The following LMBR1 variants were observed in gnomAD, a reference collection of about 807,000 sequenced individuals.
LMBR1 encodes the protein limb development membrane protein 1.
Under a neutral mutation model 73.9 loss-of-function variants are expected in LMBR1, and 52 were observed. The ratio of observed to expected loss-of-function variants is 0.70; its 90% CI spans 0.56 to 0.89. The LOEUF (loss-of-function observed/expected upper bound fraction) is 0.89. Among genes scored for constraint, LMBR1 ranks in the 40% least tolerant of loss-of-function variants. LMBR1 has a pLI of 0.00. For synonymous variants in LMBR1, 215 were observed against 209.4 expected (o/e 1.03, Z -0.23); for missense variants, 539 against 579.8 (o/e 0.93, Z 0.72).
At chr7:156,767,912 G>A (rs1184277682) in intron 5 of LMBR1, among the ~76,000 whole-genome samples, 2 of 152,018 alleles carry the variant, frequency 1.3e-5, no homozygotes, top group African/African-American at 4.8e-5. Flanking sequence ...TTTTAAAAAT[G>A]TACAGGAGTC....
At chr7:156,861,762 G>A (rs1269285603) in intron 1 of LMBR1, among the ~76,000 whole-genome samples, 1 of 151,986 alleles carries the variant, frequency 6.6e-6, no homozygotes, top group Admixed American at 6.6e-5. Flanking sequence ...AAATCTTTAG[G>A]GTGGGGCAAA....
rs1234735343 is a variant in LMBR1, at chr7:156,734,199, T to C, written c.816A>G (p.Val272=). 4 of 1,609,674 alleles carry C rather than the reference T, an allele frequency of 2.5e-6. No homozygotes were observed. The highest frequency in any genetic ancestry group is 3.4e-6 in the Non-Finnish European group (4 of 1,178,364). Residue 272 remains valine (V), a synonymous_variant, in exon 10 of 17, where the codon GTA becomes GTG. Coordinates refer to ENST00000353442, the MANE Select transcript of LMBR1 (RefSeq NM_022458.4). The stretch of plus-strand genomic sequence containing the variant: ...TACCTAATTTTGTCTTAAGAGTCTT[T>C]ACATTTTCAAGTTCTTGTTCCAACT... The part of the protein sequence containing the change: ...IMELEQELEN[V]KTLKTKLERR...
chr7:156,763,242 T>G, intron 6 of LMBR1, 66 bp from the exon 7 acceptor site: 1 of 684,548 alleles, frequency 1.5e-6, no homozygotes, highest in Non-Finnish European at 2.4e-6. Flanking sequence ...AGTCAGTCTA[T>G]CTTACGATAA....
intron 1 of LMBR1, among the ~76,000 whole-genome samples, chr7:156,888,362 A>C (rs1020237365): frequency 6.7e-6 from 1 of 149,382 alleles, no homozygotes; most frequent in African/African-American, 2.5e-5. Context: ...GTGAGCCGAG[A>C]TTGAGTCACT....
At chr7:156,824,847 TA>T (rs756011629) in intron 4 of LMBR1, among the ~76,000 whole-genome samples, 4,310 of 89,438 alleles carry the variant, frequency 0.048, 142 homozygotes, top group African/African-American at 0.14. Flanking sequence ...CCTGTCTCAA[TA>T]AAAAAAAAAA....
chr7:156,841,849 T>C (rs1221159235), intron 1 of LMBR1, among the ~76,000 whole-genome samples: 2 of 152,022 alleles, frequency 1.3e-5, no homozygotes, highest in Non-Finnish European at 2.9e-5. Flanking sequence ...AAAGAAAATG[T>C]GAAGGGATTG....
At chr7:156,845,312 G>A (rs1839412395) in intron 1 of LMBR1, among the ~76,000 whole-genome samples, 1 of 152,056 alleles carries the variant, frequency 6.6e-6, no homozygotes, top group African/African-American at 2.4e-5. Context: ...CTGGGCAATG[G>A]AGCAAGATTC....
intron 15 of LMBR1, among the ~76,000 whole-genome samples, chr7:156,702,768 A>T (rs1810072141): frequency 6.6e-6 from 1 of 152,262 alleles, no homozygotes; most frequent in Non-Finnish European, 1.5e-5. Flanking sequence ...ATCTACCCCA[A>T]GGAGTTGAAA....
intron 15 of LMBR1, among the ~76,000 whole-genome samples, chr7:156,718,353 T>C (rs1813693969): frequency 6.6e-6 from 1 of 151,456 alleles, no homozygotes; most frequent in East Asian, 1.9e-4. Flanking sequence ...TGAGCCGAGA[T>C]TGTGCCACTG....
intron 4 of LMBR1, among the ~76,000 whole-genome samples, chr7:156,816,843 T>G (rs1833991472): frequency 6.6e-6 from 1 of 152,156 alleles, no homozygotes; most frequent in South Asian, 2.1e-4. Context: ...TTAATAATAT[T>G]CTATAATTTT....
At chr7:156,800,502 A>AAAAAAAAAAAAT (rs1830773212) in intron 4 of LMBR1, among the ~76,000 whole-genome samples, 1 of 149,886 alleles carries the variant, frequency 6.7e-6, no homozygotes, top group Admixed American at 6.7e-5. Context: ...AAAAAAAAAG[A>AAAAAAAAAAAAT]TTTTCAAAAT....
At chr7:156,807,700 ACT>A (rs1832390399) in intron 4 of LMBR1, among the ~76,000 whole-genome samples, 1 of 151,972 alleles carries the variant, frequency 6.6e-6, no homozygotes, top group African/African-American at 2.4e-5. Context: ...CTATTCGTTG[ACT>A]CTGCAGAAAC....
At chr7:156,677,531 C>T (rs1306989386), downstream of LMBR1, among the ~76,000 whole-genome samples, 1 of 152,100 alleles carries the variant, frequency 6.6e-6, no homozygotes, top group East Asian at 1.9e-4. Context: ...GAGTGGCGCT[C>T]ATCACTCCAG....
chr7:156,824,312 G>C (rs1563457872), intron 4 of LMBR1, among the ~76,000 whole-genome samples: 1 of 152,078 alleles, frequency 6.6e-6, no homozygotes, highest in Non-Finnish European at 1.5e-5. Context: ...AAGCTTACGG[G>C]ATTGCTAAGG....
chr7:156,724,742 C>T (rs976718762), intron 14 of LMBR1, among the ~76,000 whole-genome samples: 5 of 148,406 alleles, frequency 3.4e-5, no homozygotes, highest in Non-Finnish European at 7.4e-5. Context: ...ATCTCAACTA[C>T]TTATTAAGTT....
At chr7:156,722,669 G>A (rs1814828948) in intron 15 of LMBR1, among the ~76,000 whole-genome samples, 1 of 152,066 alleles carries the variant, frequency 6.6e-6, no homozygotes. Flanking sequence ...TTGGACAGCT[G>A]GGTCCAGGCA....
chr7:156,877,856 C>T (rs1409995020), intron 1 of LMBR1, among the ~76,000 whole-genome samples: 3 of 149,176 alleles, frequency 2.0e-5, no homozygotes, highest in Non-Finnish European at 4.4e-5. Flanking sequence ...GCACTCCAGC[C>T]TGGGCGACAG....
chr7:156,725,423 A>G lies in LMBR1; in HGVS notation c.1158+12T>C. On this transcript the variant is annotated intron_variant, in intron 14 of 16. Coordinates refer to ENST00000353442, the MANE Select transcript of LMBR1 (RefSeq NM_022458.4). ...AAACGAGAGGCCACAGTCACCTAAGATTCTACCTTACCTTTGTCATAGTTG... is the reference window on the plus strand; with the variant it reads ...AAACGAGAGGCCACAGTCACCTAAGGTTCTACCTTACCTTTGTCATAGTTG... The G allele has an allele frequency of 6.4e-7, 1 of 1,553,668 alleles. No individual in the cohort carries two copies. The highest frequency in any genetic ancestry group is 8.8e-7 in the Non-Finnish European group (1 of 1,134,988).
At chr7:156,693,173 A>C (rs1439928431) in intron 15 of LMBR1, among the ~76,000 whole-genome samples, 3 of 152,168 alleles carry the variant, frequency 2.0e-5, no homozygotes, top group Admixed American at 2.0e-4. Context: ...AGAAGAAAAA[A>C]CACTATTTGA....
Sources: gnomAD v4.1 joint callset for allele counts (sites outside exome capture counted in the v4.1 genomes callset) on GRCh38, gnomAD v4.1.1 for gene constraint, MANE v1.5 for transcripts, NCBI Gene and HGNC (gene_info 2026-07-23, HGNC 2026-07-21) for gene names.